ANTXR1: variants seen among roughly 807,000 people sequenced by gnomAD.
ANTXR1 encodes the protein anthrax toxin receptor 1.
Under a neutral mutation model 78.1 loss-of-function variants are expected in ANTXR1, and 19 were observed. The observed-to-expected ratio is 0.24, with a 90% CI of 0.17 to 0.36. The LOEUF is 0.36. ANTXR1 is among the 10% of genes least tolerant of loss of function. The pLI, the probability that ANTXR1 is intolerant of heterozygous loss-of-function variation, is 1.00. For synonymous variants in ANTXR1, 273 were observed against 260.5 expected (o/e 1.05, Z -0.46); for missense variants, 518 against 718.6 (o/e 0.72, Z 3.19).
chr2:69,050,179 T>A (rs1465317031), intron 3 of ANTXR1, among the ~76,000 whole-genome samples: 1 of 151,994 alleles, frequency 6.6e-6, no homozygotes, highest in African/African-American at 2.4e-5. Context: ...ACCCCTGTGG[T>A]CCCAGCTACT....
intron 10 of ANTXR1, among the ~76,000 whole-genome samples, chr2:69,119,187 G>C (rs936818597): frequency 6.6e-6 from 1 of 152,202 alleles, no homozygotes; most frequent in Non-Finnish European, 1.5e-5. Context: ...GTTGTCCAGA[G>C]GCAGCCGGAA....
chr2:69,105,516 A>G (rs759546831), intron 10 of ANTXR1, among the ~76,000 whole-genome samples: 1 of 152,234 alleles, frequency 6.6e-6, no homozygotes, highest in Non-Finnish European at 1.5e-5. Flanking sequence ...CATGGAGAAA[A>G]TAATATGAAC....
At chr2:69,163,236 G>C (rs1267124255) in intron 13 of ANTXR1, among the ~76,000 whole-genome samples, 4 of 152,006 alleles carry the variant, frequency 2.6e-5, no homozygotes, top group Admixed American at 2.0e-4. Flanking sequence ...CTATGACTCA[G>C]CGTCTTGTTA....
At chr2:69,043,213 C>T (rs1438410324) in intron 2 of ANTXR1, among the ~76,000 whole-genome samples, 11 of 152,166 alleles carry the variant, frequency 7.2e-5, no homozygotes, top group African/African-American at 2.4e-4. Context: ...GCCACTCCCC[C>T]ACTGTGTAAC....
intron 3 of ANTXR1, 58 bp from the exon 4 acceptor site, chr2:69,070,589 T>TAC: frequency 6.5e-7 from 1 of 1,531,812 alleles, no homozygotes. Context: ...TACTTATGAC[T>TAC]ACAACAGCAA....
chr2:69,196,474 A>G (rs1303560253), intron 17 of ANTXR1, among the ~76,000 whole-genome samples: 1 of 152,232 alleles, frequency 6.6e-6, no homozygotes, highest in Non-Finnish European at 1.5e-5. Context: ...AAGAACCAGA[A>G]TTCATAGCTG....
Position 69,193,459 on chromosome 2 carries a change from T to TCACA in ANTXR1, c.1434+45_1434+48dup, listed in dbSNP as rs747343458. On this transcript the variant is annotated intron_variant, in intron 17 of 17. Transcript: ENST00000303714. ...TTAATGGTGTCTCTCTCTCTCTCTC[T>TCACA]CACATACACACACACACACACACAC... The TCACA allele has an allele frequency of 0.041, 42,165 of 1,017,530 alleles. 1,222 individuals carry two copies. Among genetic ancestry groups the TCACA allele is most frequent in the East Asian group, 0.19 (6,126 of 32,306 alleles). The allele number at this position is 1,017,530 out of a possible 1,614,324, so 63.0% of individuals were successfully genotyped here.
chr2:69,145,548 A>G, intron 12 of ANTXR1: 1 of 1,416,776 alleles, frequency 7.1e-7, no homozygotes, highest in Non-Finnish European at 9.2e-7. Flanking sequence ...CAGGAGGGAC[A>G]GGAAACGTTC....
chr2:69,115,977 C>T (rs569163167), intron 10 of ANTXR1, among the ~76,000 whole-genome samples: 1 of 152,270 alleles, frequency 6.6e-6, no homozygotes, highest in African/African-American at 2.4e-5. Context: ...CCAACTTGGC[C>T]CAACCAACCT....
chr2:69,193,459 T>TCA lies in ANTXR1; in HGVS notation c.1434+47_1434+48dup, dbSNP rs747343458. The TCA allele has an allele frequency of 7.2e-3, 7,427 of 1,038,084 alleles. 118 individuals carry two copies. Among genetic ancestry groups the TCA allele is most frequent in the East Asian group, 0.013 (431 of 34,338 alleles). The allele number at this position is 1,038,084 out of a possible 1,614,324, so 64.3% of individuals were successfully genotyped here. A position where few individuals can be genotyped will look rare whatever the true frequency, so the allele number is the denominator to read the frequency against. ...TTAATGGTGTCTCTCTCTCTCTCTC[T>TCA]CACATACACACACACACACACACAC... On this transcript the variant is annotated intron_variant, in intron 17 of 17. Transcript: ENST00000303714.
chr2:69,166,315 G>A (rs890636992), intron 13 of ANTXR1, among the ~76,000 whole-genome samples: 2 of 152,208 alleles, frequency 1.3e-5, no homozygotes, highest in Non-Finnish European at 1.5e-5. Context: ...AAAGTCACTG[G>A]TAAGAGAGGA....
At chr2:69,171,536 G>A (rs753210484) in intron 14 of ANTXR1, among the ~76,000 whole-genome samples, 1 of 152,214 alleles carries the variant, frequency 6.6e-6, no homozygotes, top group East Asian at 1.9e-4. Flanking sequence ...TTAGGACTTT[G>A]TTTGCCTGGA....
chr2:69,028,773 G>A (rs1226213553), intron 1 of ANTXR1, among the ~76,000 whole-genome samples: 1 of 151,918 alleles, frequency 6.6e-6, no homozygotes, highest in Non-Finnish European at 1.5e-5. Flanking sequence ...GAAGCTTTGG[G>A]GGAAAAAAAT....
intron 1 of ANTXR1, among the ~76,000 whole-genome samples, chr2:69,038,140 G>T (rs1004992933): frequency 6.6e-6 from 1 of 152,032 alleles, no homozygotes; most frequent in Admixed American, 6.6e-5. Context: ...TTTTCCAAAT[G>T]CACAGTCCTC....
chr2:69,063,919 G>A (rs1349461609), intron 3 of ANTXR1, among the ~76,000 whole-genome samples: 1 of 151,838 alleles, frequency 6.6e-6, no homozygotes, highest in Non-Finnish European at 1.5e-5. Context: ...ACAGCTTTAT[G>A]TTTTTAAAAG....
At chr2:69,045,748 G>A (rs895650219) in intron 3 of ANTXR1, among the ~76,000 whole-genome samples, 1 of 152,144 alleles carries the variant, frequency 6.6e-6, no homozygotes, top group African/African-American at 2.4e-5. Flanking sequence ...ATTTGTAACA[G>A]AAAGAGTGCT....
chr2:69,021,987 G>T (rs995986283), intron 1 of ANTXR1, among the ~76,000 whole-genome samples: 8 of 152,224 alleles, frequency 5.3e-5, no homozygotes, highest in Non-Finnish European at 1.0e-4. Flanking sequence ...AATATTCAGT[G>T]AGGTGGGCGG....
chr2:69,115,881 G>A (rs1260748929), intron 10 of ANTXR1, among the ~76,000 whole-genome samples: 1 of 152,208 alleles, frequency 6.6e-6, no homozygotes, highest in African/African-American at 2.4e-5. Flanking sequence ...TGGCCAGCTT[G>A]GTTCTGCCAC....
rs997316694 is a variant in ANTXR1 at position 69,154,610 on chromosome 2, G to C, written c.1047+2346G>C. Among the ~76,000 whole-genome samples the C allele has an allele frequency of 5.3e-5, 8 of 152,108 alleles. No homozygotes were observed. In the East Asian group the frequency reaches 1.5e-3, roughly 29 times the overall value. On this transcript the variant is annotated intron_variant, in intron 13 of 17. Coordinates refer to ENST00000303714, the MANE Select transcript of ANTXR1 (RefSeq NM_032208.3). ...ATAGAGGGCATTCTTGTAAACAATG[G>C]TCCTCAAACCTTCCTCTGTCACTCT...
Sources: allele counts gnomAD v4.1 joint callset (sites outside exome capture counted in the v4.1 genomes callset), GRCh38; gene constraint gnomAD v4.1.1; transcripts MANE v1.5; gene names NCBI Gene and HGNC (gene_info 2026-07-23, HGNC 2026-07-21).